MAPK1IP1L: variants seen among roughly 807,000 people sequenced by gnomAD.
The protein encoded by MAPK1IP1L is MAPK-interacting and spindle-stabilizing protein-like.
Under a neutral mutation model 18.1 loss-of-function variants are expected in MAPK1IP1L, and 10 were observed. The observed-to-expected ratio is 0.55, with a 90% confidence interval of 0.34 to 0.94. The LOEUF (loss-of-function observed/expected upper bound fraction) is 0.94. Among genes scored for constraint, MAPK1IP1L ranks in the 40% least tolerant of loss-of-function variants. The pLI, the probability that MAPK1IP1L is intolerant of heterozygous loss-of-function variation, is 0.02. For synonymous variants in MAPK1IP1L, 115 were observed against 117.3 expected (o/e 0.98, Z 0.13); for missense variants, 260 against 318.2 (o/e 0.82, Z 1.39).
chr14:55,058,790 C>G (rs373485304), intron 1 of MAPK1IP1L, among the ~76,000 whole-genome samples: 1 of 151,244 alleles, frequency 6.6e-6, no homozygotes, highest in East Asian at 1.9e-4. Flanking sequence ...TGACATCATG[C>G]TATTGCACTC....
At position 55,069,845 on chromosome 14, in the gene MAPK1IP1L, C is replaced by G. The variant is rs567616221; in HGVS notation, c.*5218C>G. 6.6e-6 allele frequency: 1 copy of G among 152,308 alleles called. No homozygotes were observed. Among genetic ancestry groups the G allele is most frequent in the East Asian group, 1.9e-4 (1 of 5,184 alleles). The allele number at this position is 152,308 out of a possible 1,614,324, so 9.4% of individuals were successfully genotyped here. ...GTCAGGGAACTTTCTCTGTCTGTCC[C>G]TACTCCCCTCACTCCCCCACTTTCT... On this transcript the variant is annotated 3_prime_UTR_variant, in exon 4 of 4. Transcript: ENST00000395468.
intron 3 of MAPK1IP1L, 69 bp from the exon 4 acceptor site, chr14:55,064,547 C>T (rs2042847091): frequency 8.1e-6 from 11 of 1,364,518 alleles, no homozygotes; most frequent in Non-Finnish European, 1.0e-6. Flanking sequence ...TTACTTTAAG[C>T]CACAGTAAGG....
chr14:55,052,024 G>C (rs769678531), intron 1 of MAPK1IP1L, among the ~76,000 whole-genome samples: 55 of 152,122 alleles, frequency 3.6e-4, no homozygotes, highest in Non-Finnish European at 6.0e-4. Flanking sequence ...GCCCCCCAGG[G>C]AGAAGGTGTC....
intron 1 of MAPK1IP1L, among the ~76,000 whole-genome samples, chr14:55,053,675 A>ACTG (rs964591707): frequency 1.8e-4 from 27 of 152,208 alleles, no homozygotes; most frequent in Admixed American, 7.9e-4. Flanking sequence ...ACCCATCTGA[A>ACTG]CTGCTTATAC....
chr14:55,063,305 C>T lies in MAPK1IP1L; in HGVS notation c.706C>T (p.Pro236Ser), dbSNP rs746888078. The T allele has an allele frequency of 2.7e-5, 44 of 1,612,168 alleles. No individual in the cohort carries two copies. The highest frequency in any genetic ancestry group is 3.4e-5 in the Non-Finnish European group (40 of 1,178,728). Reference protein sequence around the residue: ...QVPSGPSGAPPMPGGPHSYH With the variant: ...QVPSGPSGAPSMPGGPHSYH Reference sequence around the variant, plus strand: ...GCCTTCAGGACCTTCTGGTGCTCCACCAATGCCTGGTGGCCCCCATGTGAG... The same window carrying T: ...GCCTTCAGGACCTTCTGGTGCTCCATCAATGCCTGGTGGCCCCCATGTGAG... The change falls in exon 3 of 4, where the codon CCA becomes TCA. Residue 236 changes from proline to serine, a missense_variant. By Grantham distance (74) the Pro-to-Ser change is moderately conservative. Coordinates refer to ENST00000395468, the MANE Select transcript of MAPK1IP1L (RefSeq NM_144578.4).
intron 1 of MAPK1IP1L, among the ~76,000 whole-genome samples, chr14:55,053,061 TATAA>T (rs1321409670): frequency 6.6e-6 from 1 of 152,232 alleles, no homozygotes; most frequent in Non-Finnish European, 1.5e-5. Flanking sequence ...GAATAGAAAC[TATAA>T]ATAGCTTCAG....
chr14:55,054,201 C>CG (rs1266256970), intron 1 of MAPK1IP1L, among the ~76,000 whole-genome samples: 1 of 127,726 alleles, frequency 7.8e-6, no homozygotes, highest in Non-Finnish European at 1.6e-5. Flanking sequence ...TTTTTGGAGA[C>CG]GGAGTCGCTT....
At chr14:55,060,728 G>A (rs917832529) in intron 1 of MAPK1IP1L, 1 of 152,116 alleles carries the variant, frequency 6.6e-6, no homozygotes. Flanking sequence ...TGGTTATAGG[G>A]GCGTATACAA....
In MAPK1IP1L at chr14:55,068,245, T is replaced by A. The variant is rs944840041; in HGVS notation, c.*3618T>A. On this transcript the variant is annotated 3_prime_UTR_variant, in exon 4 of 4. Coordinates refer to ENST00000395468, the MANE Select transcript of MAPK1IP1L (RefSeq NM_144578.4). The stretch of plus-strand genomic sequence containing the variant: ...ATAGGGCAGAGAAAAGTATATATTT[T>A]GCCTCAGTCAGTCCCACCACCACAA... The A allele has an allele frequency of 2.6e-5, 4 of 152,678 alleles. No individual in the cohort carries two copies. The highest frequency in any genetic ancestry group is 9.6e-5 in the African/African-American group (4 of 41,470). 9.5% of individuals were successfully genotyped at this position (152,678 alleles called of 1,614,324 possible).
chr14:55,057,253 G>A (rs974069982), intron 1 of MAPK1IP1L, among the ~76,000 whole-genome samples: 1 of 152,188 alleles, frequency 6.6e-6, no homozygotes, highest in Non-Finnish European at 1.5e-5. Context: ...ATAAATATTA[G>A]AGAAGGAAAG....
In MAPK1IP1L at chr14:55,068,397, CAG is replaced by C. The variant is rs2140264981; in HGVS notation, c.*3773_*3774del. On this transcript the variant is annotated 3_prime_UTR_variant, in exon 4 of 4. Coordinates refer to ENST00000395468, the MANE Select transcript of MAPK1IP1L (RefSeq NM_144578.4). ...AACTGTAGATGAAAAAAGCTCTACT[CAG>C]AGTTTTTGTCAAGACTGTGCCTGGG... 6.5e-6 allele frequency: 1 copy of C among 152,734 alleles called. No homozygotes were observed. The highest frequency in any genetic ancestry group is 2.1e-4 in the South Asian group (1 of 4,830). The allele number at this position is 152,734 out of a possible 1,614,324, so 9.5% of individuals were successfully genotyped here. A position where few individuals can be genotyped will look rare whatever the true frequency, so the allele number is the denominator to read the frequency against.
chr14:55,063,674 C>T lies in MAPK1IP1L; in HGVS notation c.726+349C>T, dbSNP rs571612308. Among the ~76,000 whole-genome samples the T allele has an allele frequency of 3.3e-5, 5 of 152,256 alleles. No individual in the cohort carries two copies. In the South Asian group the frequency reaches 1.0e-3, roughly 32 times the overall value. On this transcript the variant is annotated intron_variant, in intron 3 of 3. Transcript: ENST00000395468. ...TTCTCAGTATTGTTTTATAGCATCA[C>T]ACCAAAGTACAGTTCAGTAAAAGCA...
intron 1 of MAPK1IP1L, among the ~76,000 whole-genome samples, chr14:55,055,536 C>A (rs879716077): frequency 6.6e-5 from 10 of 152,114 alleles, no homozygotes; most frequent in Non-Finnish European, 1.2e-4. Context: ...GGGCTGATAG[C>A]GTATACAGCA....
chr14:55,056,472 C>T (rs1321553678), intron 1 of MAPK1IP1L, among the ~76,000 whole-genome samples: 3 of 152,076 alleles, frequency 2.0e-5, no homozygotes, highest in African/African-American at 7.2e-5. Flanking sequence ...ATGTGATTGA[C>T]GTTAAACCTT....
intron 1 of MAPK1IP1L, among the ~76,000 whole-genome samples, 183 bp downstream of exon 1, chr14:55,051,986 C>T (rs1015332920): frequency 1.1e-4 from 17 of 152,174 alleles, no homozygotes; most frequent in African/African-American, 3.9e-4. Flanking sequence ...CGGTCGCCTT[C>T]CTCCACGCTG....
rs1404906936 is a variant in MAPK1IP1L, at chr14:55,068,198, T to TAAA, written c.*3571_*3572insAAA. 3 of 152,576 alleles carry TAAA rather than the reference T, an allele frequency of 2.0e-5. No individual in the cohort carries two copies. In the East Asian group the frequency reaches 5.8e-4, roughly 29 times the overall value. The allele number at this position is 152,576 out of a possible 1,614,324, so 9.5% of individuals were successfully genotyped here. A position where few individuals can be genotyped will look rare whatever the true frequency, so the allele number is the denominator to read the frequency against. ...ACTGTTTTGTGCATTTTACTGTTGGTTGTCTTCAGTAGAGAATAGTAATAG... is the reference window on the plus strand; with the variant it reads ...ACTGTTTTGTGCATTTTACTGTTGGTAAATGTCTTCAGTAGAGAATAGTAATAG... On this transcript the variant is annotated 3_prime_UTR_variant, in exon 4 of 4. Transcript: ENST00000395468.
intron 1 of MAPK1IP1L, among the ~76,000 whole-genome samples, chr14:55,053,491 G>T (rs1257717746): frequency 6.6e-6 from 1 of 152,146 alleles, no homozygotes; most frequent in Non-Finnish European, 1.5e-5. Flanking sequence ...TTACTGGCCT[G>T]GTTTTTATTT....
intron 1 of MAPK1IP1L, among the ~76,000 whole-genome samples, chr14:55,053,431 A>G (rs920722361): frequency 3.9e-5 from 6 of 152,126 alleles, no homozygotes; most frequent in Admixed American, 1.3e-4. Context: ...CCCAAGCACT[A>G]TTTTTTTAGG....
intron 1 of MAPK1IP1L, among the ~76,000 whole-genome samples, chr14:55,059,324 G>T (rs958911767): frequency 5.3e-5 from 8 of 150,998 alleles, no homozygotes; most frequent in Admixed American, 5.3e-4. Flanking sequence ...TGGTACAGTT[G>T]CAGACCAGTA....
Sources: gnomAD v4.1 joint callset for allele counts (sites outside exome capture counted in the v4.1 genomes callset) on GRCh38, gnomAD v4.1.1 for gene constraint, MANE v1.5 for transcripts, NCBI Gene and HGNC (gene_info 2026-07-23, HGNC 2026-07-21) for gene names.